The following SHTN1 variants were observed in gnomAD, a reference collection of about 807,000 sequenced individuals.
SHTN1 encodes shootin-1.
SHTN1 carries 42 observed loss-of-function variants against 83.1 expected under a neutral mutation model. That is an observed-to-expected ratio of 0.51 (90% CI 0.39 to 0.65). The LOEUF (loss-of-function observed/expected upper bound fraction) is 0.65, where lower values mean the gene tolerates loss of function less well. SHTN1 is among the 30% of genes least tolerant of loss of function. The pLI is 0.00. For synonymous variants in SHTN1, 224 were observed against 247.7 expected (o/e 0.90, Z 0.90); for missense variants, 622 against 737.8 (o/e 0.84, Z 1.82).
chr10:116,962,226 T>A (rs1224419153), intron 3 of SHTN1, among the ~76,000 whole-genome samples: 1 of 152,082 alleles, frequency 6.6e-6, no homozygotes, highest in African/African-American at 2.4e-5. Context: ...AAATAGAAGC[T>A]GAACACAGGC....
chr10:116,915,023 A>G lies in SHTN1; in HGVS notation c.1305+352T>C, dbSNP rs906639240. On this transcript the variant is annotated intron_variant, in intron 13 of 16. Transcript: ENST00000355371. ...TCAGTACTTTATCCCTCGTGCCTAA[A>G]ACAGCATCTGGCACATAGCAGATAA... Among the ~76,000 whole-genome samples, 8 of 152,312 alleles carry G rather than the reference A, an allele frequency of 5.3e-5. No homozygotes were observed. In the East Asian group the frequency reaches 1.3e-3, roughly 26 times the overall value.
rs1045353504 is a variant in SHTN1, at chr10:116,881,858, G to A, written c.*4486C>T. ...TTTTGCCTGAAATTCTGTGAACTTC[G>A]TTTTGCAGCCACCACACTTCCATGT... On this transcript the variant is annotated 3_prime_UTR_variant, in exon 17 of 17. Transcript: ENST00000355371. 9.0e-6 allele frequency: 4 copies of A among 443,704 alleles called. No homozygotes were observed. Among genetic ancestry groups the A allele is most frequent in the African/African-American group, 6.1e-5 (3 of 49,386 alleles). The allele number at this position is 443,704 out of a possible 1,614,324, so 27.5% of individuals were successfully genotyped here. A position where few individuals can be genotyped will look rare whatever the true frequency, so the allele number is the denominator to read the frequency against.
At chr10:117,052,111 A>G (rs1281971414) in intron 1 of SHTN1, among the ~76,000 whole-genome samples, 1 of 148,884 alleles carries the variant, frequency 6.7e-6, no homozygotes, top group African/African-American at 2.5e-5. Context: ...ACATGTAAAA[A>G]TCTATTGAAT....
At chr10:117,053,635 G>C (rs955476411) in intron 1 of SHTN1, among the ~76,000 whole-genome samples, 2 of 152,150 alleles carry the variant, frequency 1.3e-5, no homozygotes, top group South Asian at 4.1e-4. Context: ...GGAGACATTG[G>C]AACCCTCACG....
intron 16 of SHTN1, among the ~76,000 whole-genome samples, chr10:116,893,437 T>C (rs1847402658): frequency 6.6e-6 from 1 of 152,152 alleles, no homozygotes; most frequent in African/African-American, 2.4e-5. Flanking sequence ...AGCAAATCCT[T>C]TAATTGTATA....
chr10:117,077,994 C>G (rs568877362), intron 1 of SHTN1, among the ~76,000 whole-genome samples: 1 of 152,134 alleles, frequency 6.6e-6, no homozygotes, highest in Non-Finnish European at 1.5e-5. Context: ...AGAAGGTCGA[C>G]GATTAACAGC....
intron 11 of SHTN1, among the ~76,000 whole-genome samples, chr10:116,925,823 T>C (rs1196610149): frequency 6.6e-6 from 1 of 152,156 alleles, no homozygotes; most frequent in Admixed American, 6.5e-5. Flanking sequence ...GTAAGCCACT[T>C]AAGCTACAGG....
chr10:116,995,091 A>G (rs960168099), intron 1 of SHTN1, among the ~76,000 whole-genome samples: 5 of 152,188 alleles, frequency 3.3e-5, no homozygotes, highest in African/African-American at 1.2e-4. Flanking sequence ...CATTATTATC[A>G]TAATGAACTC....
At chr10:116,937,587 C>T (rs775015164) in intron 9 of SHTN1, among the ~76,000 whole-genome samples, 16 of 152,036 alleles carry the variant, frequency 1.1e-4, no homozygotes, top group Non-Finnish European at 2.1e-4. Context: ...CTCTGGCCGC[C>T]CTTAACATTT....
At chr10:116,922,460 T>C (rs1848599165) in intron 11 of SHTN1, among the ~76,000 whole-genome samples, 1 of 152,024 alleles carries the variant, frequency 6.6e-6, no homozygotes. Flanking sequence ...TCCACTGCCA[T>C]ATATCCTACA....
chr10:117,103,719 G>GTAGAGAT (rs201128098), intron 1 of SHTN1, among the ~76,000 whole-genome samples: 5,642 of 151,692 alleles, frequency 0.037, 155 homozygotes, highest in Non-Finnish European at 0.06. Flanking sequence ...TGTATTTTTA[G>GTAGAGAT]TAGAGATGGG....
chr10:116,960,152 T>G lies in SHTN1; in HGVS notation c.251A>C (p.Glu84Ala). ...AAGTCTCACCTTTGTTGCCAAAGCT[T>G]CAGCACTTTCTCGACAAGTCTTCTC... ...EIEKTCRESA[E>A]ALATKLNKEN... Residue 84 changes from glutamate (E) to alanine (A), a missense_variant, in exon 4 of 17, where the codon GAA (glutamate) becomes GCA (alanine). Physicochemically the swap from Glu to Ala is moderately radical, Grantham distance 107 (BLOSUM62 -1). Transcript: ENST00000355371. 6.2e-7 allele frequency: 1 copy of G among 1,606,498 alleles called. No individual in the cohort carries two copies. The highest frequency in any genetic ancestry group is 8.5e-7 in the Non-Finnish European group (1 of 1,173,356).
At chr10:117,103,058 G>C (rs1017786932) in intron 1 of SHTN1, among the ~76,000 whole-genome samples, 1 of 152,094 alleles carries the variant, frequency 6.6e-6, no homozygotes, top group African/African-American at 2.4e-5. Flanking sequence ...TTGGTTCCTT[G>C]TTCTATTTTT....
intron 1 of SHTN1, among the ~76,000 whole-genome samples, chr10:117,067,363 G>T (rs1440485751): frequency 1.3e-5 from 2 of 152,200 alleles, no homozygotes; most frequent in African/African-American, 4.8e-5. Context: ...GGCTAAAGCA[G>T]GTGGATCACT....
At chr10:116,907,933 A>G (rs987619477) in intron 14 of SHTN1, 1 of 517,134 alleles carries the variant, frequency 1.9e-6, no homozygotes, top group Non-Finnish European at 3.9e-6. Context: ...AAGGATTCTA[A>G]TAATTCTACT....
chr10:116,977,152 T>G (rs960633115), intron 2 of SHTN1, among the ~76,000 whole-genome samples: 3 of 152,242 alleles, frequency 2.0e-5, no homozygotes, highest in Non-Finnish European at 4.4e-5. Context: ...ACAGAGCATC[T>G]ACTATGTATT....
chr10:117,030,158 A>G (rs1173515057), intron 2 of SHTN1, among the ~76,000 whole-genome samples: 1 of 152,112 alleles, frequency 6.6e-6, no homozygotes, highest in African/African-American at 2.4e-5. Context: ...AAGTGCTGGG[A>G]TTACAGGCAT....
intron 1 of SHTN1, among the ~76,000 whole-genome samples, chr10:117,109,740 T>C (rs919168877): frequency 5.9e-5 from 9 of 151,822 alleles, no homozygotes; most frequent in Non-Finnish European, 8.8e-5. Context: ...AATTTCTGTA[T>C]TTTTAGTAGA....
intron 12 of SHTN1, among the ~76,000 whole-genome samples, 169 bp from the exon 13 acceptor site, chr10:116,915,653 TAAAG>T (rs1049266960): frequency 6.6e-6 from 1 of 152,126 alleles, no homozygotes; most frequent in Non-Finnish European, 1.5e-5. Flanking sequence ...TAGCAACACT[TAAAG>T]AAAAAACTTT....
Sources: gnomAD v4.1 joint callset for allele counts (sites outside exome capture counted in the v4.1 genomes callset) on GRCh38, gnomAD v4.1.1 for gene constraint, MANE v1.5 for transcripts, NCBI Gene and HGNC (gene_info 2026-07-23, HGNC 2026-07-21) for gene names.